DOCK2: variants seen among roughly 807,000 people sequenced by gnomAD.
DOCK2 encodes dedicator of cytokinesis 2.
In DOCK2, 87 loss-of-function variants were observed where a neutral mutation model predicts 248.9. The ratio of observed to expected loss-of-function variants is 0.35; its 90% CI spans 0.29 to 0.42. The LOEUF is 0.42. Ranked by LOEUF, DOCK2 falls within the 10% of genes least tolerant of loss-of-function variation. The pLI is 1.00. For synonymous variants in DOCK2, 805 were observed against 821.6 expected (o/e 0.98, Z 0.35); for missense variants, 1,747 against 2,300.2 (o/e 0.76, Z 4.92).
chr5:170,011,401 A>G (rs902678974), intron 32 of DOCK2, among the ~76,000 whole-genome samples: 5 of 152,230 alleles, frequency 3.3e-5, no homozygotes, highest in Non-Finnish European at 7.3e-5. Context: ...GCTCTGAAGC[A>G]TCACAGACTC....
At chr5:169,654,348 A>C (rs1026741262) in intron 1 of DOCK2, 55 bp from the exon 2 acceptor site, 1 of 1,594,676 alleles carries the variant, frequency 6.3e-7, no homozygotes, top group African/African-American at 1.3e-5. Flanking sequence ...AGGAAGGAGC[A>C]GAGACTAATG....
chr5:169,898,542 A>G (rs1773743596), intron 27 of DOCK2, among the ~76,000 whole-genome samples: 2 of 151,394 alleles, frequency 1.3e-5, no homozygotes, highest in East Asian at 1.9e-4. Flanking sequence ...AACAACAACA[A>G]CAACAACAAC....
chr5:169,854,196 T>A (rs1205487956), intron 27 of DOCK2, among the ~76,000 whole-genome samples: 3 of 151,550 alleles, frequency 2.0e-5, no homozygotes, highest in African/African-American at 7.3e-5. Context: ...ACATTTTTTT[T>A]TTTTTTTGAG....
chr5:170,057,388 A>T, intron 43 of DOCK2, 192 bp from the exon 44 acceptor site: 1 of 651,738 alleles, frequency 1.5e-6, no homozygotes, highest in Non-Finnish European at 2.8e-6. Context: ...GAGAGCTTAC[A>T]CTTAATGTTG....
chr5:169,807,893 C>T (rs1243082040), intron 26 of DOCK2, among the ~76,000 whole-genome samples: 1 of 126,690 alleles, frequency 7.9e-6, no homozygotes, highest in Non-Finnish European at 1.7e-5. Flanking sequence ...TAATAAACCA[C>T]AAAATGGCAA....
At chr5:169,969,071 G>A (rs1349218872) in intron 27 of DOCK2, among the ~76,000 whole-genome samples, 1 of 152,048 alleles carries the variant, frequency 6.6e-6, no homozygotes, top group African/African-American at 2.4e-5. Flanking sequence ...GATTGCTTGA[G>A]CCCAGCAAGT....
intron 25 of DOCK2, among the ~76,000 whole-genome samples, chr5:169,788,806 C>T (rs1172983446): frequency 6.6e-6 from 1 of 152,118 alleles, no homozygotes; most frequent in Non-Finnish European, 1.5e-5. Flanking sequence ...ATGTTGGGGG[C>T]ACTGAGCATA....
intron 27 of DOCK2, among the ~76,000 whole-genome samples, chr5:169,894,882 A>G (rs1033336824): frequency 6.6e-6 from 1 of 152,184 alleles, no homozygotes; most frequent in Non-Finnish European, 1.5e-5. Flanking sequence ...CAGAAGTAAT[A>G]AAAACGAAAC....
chr5:169,915,557 AACACACACAC>A (rs56728646), intron 27 of DOCK2, among the ~76,000 whole-genome samples: 1,815 of 143,450 alleles, frequency 0.013, 18 homozygotes, highest in Non-Finnish European at 0.021. Context: ...ATTGACAGGG[AACACACACAC>A]ACACACACAC....
At chr5:169,661,810 A>G (rs1758463368) in intron 2 of DOCK2, among the ~76,000 whole-genome samples, 1 of 152,220 alleles carries the variant, frequency 6.6e-6, no homozygotes, top group African/African-American at 2.4e-5. Context: ...TTAAAGGGTG[A>G]ATAATATTCC....
intron 22 of DOCK2, among the ~76,000 whole-genome samples, chr5:169,742,934 A>C (rs990972258): frequency 6.6e-6 from 1 of 152,224 alleles, no homozygotes; most frequent in Non-Finnish European, 1.5e-5. Context: ...CCTTGTGGTC[A>C]GGGCCTTAGG....
At chr5:169,795,644 G>A (rs1380057534) in intron 25 of DOCK2, among the ~76,000 whole-genome samples, 1 of 152,342 alleles carries the variant, frequency 6.6e-6, no homozygotes, top group South Asian at 2.1e-4. Flanking sequence ...CTGGAGGAGG[G>A]AGGTTGTGAG....
Position 169,946,641 on chromosome 5 carries a change from A to G in DOCK2, c.2800-36427A>G, listed in dbSNP as rs144068375. On this transcript the variant is annotated intron_variant, in intron 27 of 51. Transcript: ENST00000520908. ...CTCATTGTGTATCAGCCACTGTTTC[A>G]AGGAATAAGATAGGCCAGTTCCTAG... is the stretch of plus-strand genomic sequence containing the variant. 1.6e-3 allele frequency among the ~76,000 whole-genome samples: 240 copies of G among 152,290 alleles called. 1 individual carries two copies. The highest frequency in any genetic ancestry group is 3.0e-3 in the Non-Finnish European group (207 of 68,026).
chr5:169,969,072 C>T (rs1306181323), intron 27 of DOCK2, among the ~76,000 whole-genome samples: 1 of 152,136 alleles, frequency 6.6e-6, no homozygotes, highest in African/African-American at 2.4e-5. Flanking sequence ...ATTGCTTGAG[C>T]CCAGCAAGTC....
At chr5:169,758,506 A>T (rs1046147499) in intron 23 of DOCK2, among the ~76,000 whole-genome samples, 3 of 152,270 alleles carry the variant, frequency 2.0e-5, no homozygotes, top group Non-Finnish European at 2.9e-5. Flanking sequence ...AGATTAAAAA[A>T]GGGATGAAGG....
At chr5:169,750,356 G>T (rs965904680) in intron 23 of DOCK2, among the ~76,000 whole-genome samples, 1 of 152,226 alleles carries the variant, frequency 6.6e-6, no homozygotes, top group Non-Finnish European at 1.5e-5. Flanking sequence ...AGCATTTGCC[G>T]CTCTCAAGAC....
At chr5:169,884,559 GTC>G (rs1177099124) in intron 27 of DOCK2, 1 of 152,184 alleles carries the variant, frequency 6.6e-6, no homozygotes, top group Non-Finnish European at 1.5e-5. Context: ...CTTTCATGCT[GTC>G]TCTCTTTTCT....
intron 27 of DOCK2, among the ~76,000 whole-genome samples, chr5:169,968,064 A>G (rs908576445): frequency 6.6e-6 from 1 of 152,212 alleles, no homozygotes; most frequent in Admixed American, 6.5e-5. Context: ...TGCTGGATGC[A>G]TAAGTCTGAA....
chr5:169,776,871 G>A (rs1056409890), intron 25 of DOCK2, among the ~76,000 whole-genome samples: 7 of 152,162 alleles, frequency 4.6e-5, no homozygotes, highest in African/African-American at 1.4e-4. Context: ...CTAGCAATGC[G>A]GAACTGTGAG....
Sources: allele counts gnomAD v4.1 joint callset (sites outside exome capture counted in the v4.1 genomes callset), GRCh38; gene constraint gnomAD v4.1.1; transcripts MANE v1.5; gene names NCBI Gene and HGNC (gene_info 2026-07-23, HGNC 2026-07-21).